The following RANBP10 variants were observed in gnomAD, a reference collection of about 807,000 sequenced individuals.
The protein encoded by RANBP10 is RAN binding protein 10, also known as ran-binding protein 10.
A neutral mutation model predicts 72.8 loss-of-function variants in RANBP10; 24 were observed. That is an observed-to-expected ratio of 0.33 (90% CI 0.24 to 0.46). The LOEUF (loss-of-function observed/expected upper bound fraction) is 0.46, where lower values mean the gene tolerates loss of function less well. Among genes scored for constraint, RANBP10 ranks in the 20% least tolerant of loss-of-function variants. RANBP10 has a pLI of 1.00. For missense variants in RANBP10, 679 were observed against 817.5 expected (o/e 0.83, Z 2.07); for synonymous variants, 310 against 322.3 (o/e 0.96, Z 0.41).
intron 5 of RANBP10, among the ~76,000 whole-genome samples, 172 bp downstream of exon 5, chr16:67,737,841 G>T (rs982988278): frequency 1.3e-5 from 2 of 152,132 alleles, no homozygotes; most frequent in Non-Finnish European, 2.9e-5. Flanking sequence ...CTGCTGGAGA[G>T]AGAGGAAGGC....
Position 67,729,897 on chromosome 16 carries a change from G to A in RANBP10, c.998+41C>T. 6.2e-7 allele frequency: 1 copy of A among 1,613,548 alleles called. No individual in the cohort carries two copies. Among genetic ancestry groups the A allele is most frequent in the Non-Finnish European group, 8.5e-7 (1 of 1,179,848 alleles). On this transcript the variant is annotated intron_variant, in intron 8 of 13. Coordinates refer to ENST00000317506, the MANE Select transcript of RANBP10 (RefSeq NM_020850.3). This position sits in a 1 kb window ranked among gnomAD's most constrained non-coding sequence, Gnocchi z 7.1. ...TTGACGTTCCCACCACCAGCTGAGA[G>A]GGGCTGGACTCTGGGGGAGCTGGGG...
At chr16:67,740,073 GCA>G (rs2053937789) in intron 4 of RANBP10, among the ~76,000 whole-genome samples, 6 of 149,564 alleles carry the variant, frequency 4.0e-5, no homozygotes, top group Admixed American at 4.0e-4. Context: ...TCGGCTCACT[GCA>G]AGCTCCGCCT....
chr16:67,748,428 C>T (rs2054129804), intron 3 of RANBP10, among the ~76,000 whole-genome samples: 1 of 151,570 alleles, frequency 6.6e-6, no homozygotes, highest in South Asian at 2.1e-4. Flanking sequence ...GAGGCTGAGG[C>T]AGGAGAATCG....
At chr16:67,760,099 CAAAAAA>C (rs56244298) in intron 3 of RANBP10, among the ~76,000 whole-genome samples, 12 of 98,950 alleles carry the variant, frequency 1.2e-4, no homozygotes, top group African/African-American at 2.5e-4. Flanking sequence ...GACTCCGTCT[CAAAAAA>C]AAAAAAAAAG....
Position 67,730,730 on chromosome 16 carries a change from A to C in RANBP10, c.890-684T>G, listed in dbSNP as rs117762768. Among the ~76,000 whole-genome samples, 259 of 152,230 alleles carry C rather than the reference A, an allele frequency of 1.7e-3. 4 individuals carry two copies. The East Asian group carries it at 0.022, about 13-fold the overall frequency. On this transcript the variant is annotated intron_variant, in intron 7 of 13. Coordinates refer to ENST00000317506, the MANE Select transcript of RANBP10 (RefSeq NM_020850.3). This position sits in a 1 kb window ranked among gnomAD's most constrained non-coding sequence, Gnocchi z 4.3. ...TCCCTTTCCGTCTGTCTGGCTGAGC[A>C]CAGCTTCTCTGGGAGACAGACACGT...
intron 3 of RANBP10, among the ~76,000 whole-genome samples, chr16:67,751,307 TAAAAATAAACTATATA>T (rs1567687987): frequency 1.3e-5 from 2 of 152,228 alleles, no homozygotes. Flanking sequence ...CACTTTTCTT[TAAAAATAAACTATATA>T]ACTATTTTGA....
intron 3 of RANBP10, among the ~76,000 whole-genome samples, chr16:67,758,018 G>T (rs1426273786): frequency 1.3e-5 from 2 of 152,202 alleles, no homozygotes; most frequent in Non-Finnish European, 2.9e-5. Flanking sequence ...ACTGAGATAG[G>T]ACCCAGGTGT....
At chr16:67,800,653 G>T (rs776529366) in intron 2 of RANBP10, among the ~76,000 whole-genome samples, 17 of 152,060 alleles carry the variant, frequency 1.1e-4, no homozygotes, top group Non-Finnish European at 1.5e-4. Context: ...CACCAGACCC[G>T]CTCCCCGAGT....
rs1054196808 is a variant in RANBP10, at chr16:67,726,248, G to A, written c.*180C>T. ...CGTGAAGGGGAGAGAGAGAGAGACT[G>A]AGCGGGGTGGTGGGCAGAGAAAGGA... On this transcript the variant is annotated 3_prime_UTR_variant, in exon 14 of 14. Transcript: ENST00000317506. 7.0e-6 allele frequency: 6 copies of A among 862,434 alleles called. No homozygotes were observed. The African/African-American group carries it at 8.4e-5, about 12-fold the overall frequency. The allele number at this position is 862,434 out of a possible 1,614,324, so 53.4% of individuals were successfully genotyped here.
At chr16:67,726,718 C>G (rs1413822444) in intron 13 of RANBP10, among the ~76,000 whole-genome samples, 160 bp from the exon 14 acceptor site, 1 of 152,210 alleles carries the variant, frequency 6.6e-6, no homozygotes, top group Non-Finnish European at 1.5e-5. Context: ...GGCCATGGCC[C>G]TGAAGTCATG....
chr16:67,730,960 G>C lies in RANBP10; in HGVS notation c.889+512C>G, dbSNP rs980851171. Reference sequence around the variant, plus strand: ...CAGCATCAACACTGGGAGAGCTCTGGCCAAGGGAGGACTTTAGGTTGTCTG... The same window carrying C: ...CAGCATCAACACTGGGAGAGCTCTGCCCAAGGGAGGACTTTAGGTTGTCTG... On this transcript the variant is annotated intron_variant, in intron 7 of 13. Transcript: ENST00000317506. This position sits in a 1 kb window ranked among gnomAD's most constrained non-coding sequence, Gnocchi z 4.3. 2 of 156,324 alleles carry C rather than the reference G, an allele frequency of 1.3e-5. No individual in the cohort carries two copies. Among genetic ancestry groups the C allele is most frequent in the African/African-American group, 4.8e-5 (2 of 41,454 alleles). 9.7% of individuals were successfully genotyped at this position (156,324 alleles called of 1,614,324 possible).
At chr16:67,744,221 C>T in intron 4 of RANBP10, 67 bp downstream of exon 4, 1 of 1,566,728 alleles carries the variant, frequency 6.4e-7, no homozygotes, top group Non-Finnish European at 8.7e-7. Context: ...GAGCACTTGC[C>T]CCTGAGCCTC....
At chr16:67,779,574 A>G (rs918210761) in intron 2 of RANBP10, among the ~76,000 whole-genome samples, 2 of 152,148 alleles carry the variant, frequency 1.3e-5, no homozygotes, top group African/African-American at 4.8e-5. Context: ...GAGGCCACTG[A>G]CACTACCCTT....
At chr16:67,805,619 T>A in intron 1 of RANBP10, 80 bp from the exon 2 acceptor site, 1 of 1,139,958 alleles carries the variant, frequency 8.8e-7, no homozygotes, top group African/African-American at 1.5e-5. Context: ...AACTCCTCCA[T>A]GACAACTCCA....
chr16:67,796,613 G>A (rs1384885578), intron 2 of RANBP10, among the ~76,000 whole-genome samples: 3 of 152,180 alleles, frequency 2.0e-5, no homozygotes, highest in African/African-American at 7.2e-5. Context: ...CTGTCAATCA[G>A]TAATGTTGGT....
chr16:67,754,667 C>T (rs924449263), intron 3 of RANBP10, among the ~76,000 whole-genome samples: 7 of 152,192 alleles, frequency 4.6e-5, no homozygotes, highest in Admixed American at 1.3e-4. Flanking sequence ...CTGTTGTCAG[C>T]CTCAGGCTAG....
chr16:67,726,684 T>C, intron 13 of RANBP10, 126 bp from the exon 14 acceptor site: 1 of 1,172,848 alleles, frequency 8.5e-7, no homozygotes, highest in East Asian at 2.6e-5. Context: ...TCAGTACCTC[T>C]GTGTAAGTGT....
intron 2 of RANBP10, among the ~76,000 whole-genome samples, chr16:67,776,531 T>C (rs570089329): frequency 2.0e-5 from 3 of 148,812 alleles, no homozygotes; most frequent in Non-Finnish European, 4.4e-5. Flanking sequence ...CCCAGCACTT[T>C]GGGAGCTAAG....
At chr16:67,753,860 C>G (rs969574834) in intron 3 of RANBP10, among the ~76,000 whole-genome samples, 1 of 151,970 alleles carries the variant, frequency 6.6e-6, no homozygotes, top group Admixed American at 6.6e-5. Flanking sequence ...GGAGGCTGGT[C>G]GCGGTGGCTC....
Sources: allele counts gnomAD v4.1 joint callset (sites outside exome capture counted in the v4.1 genomes callset), GRCh38; gene constraint gnomAD v4.1.1; non-coding constraint Gnocchi (gnomAD v3.1); transcripts MANE v1.5; gene names NCBI Gene and HGNC (gene_info 2026-07-23, HGNC 2026-07-21).